PTPRT: variants seen among roughly 807,000 people sequenced by gnomAD.
The protein encoded by PTPRT is receptor-type tyrosine-protein phosphatase T.
In PTPRT, 56 loss-of-function variants were observed where a neutral mutation model predicts 176.8. The observed-to-expected ratio is 0.32, with a 90% CI of 0.26 to 0.40. PTPRT has a LOEUF of 0.40. Among genes scored for constraint, PTPRT ranks in the 10% least tolerant of loss-of-function variants. PTPRT has a pLI of 1.00. For missense variants in PTPRT, 1,540 were observed against 1,908.2 expected (o/e 0.81, Z 3.60); for synonymous variants, 783 against 739.0 (o/e 1.06, Z -0.96).
intron 29 of PTPRT, among the ~76,000 whole-genome samples, chr20:42,084,377 T>A (rs1983658631): frequency 6.6e-6 from 1 of 152,234 alleles, no homozygotes; most frequent in Non-Finnish European, 1.5e-5. Flanking sequence ...CCTCATGCTC[T>A]TTTTGTCCTA....
intron 27 of PTPRT, among the ~76,000 whole-genome samples, chr20:42,095,937 C>T (rs1220254751): frequency 1.3e-5 from 2 of 152,172 alleles, no homozygotes; most frequent in African/African-American, 4.8e-5. Context: ...CTGCTCTTCT[C>T]GCTGCCTTCC....
chr20:42,322,529 A>T (rs2057815313), intron 11 of PTPRT, among the ~76,000 whole-genome samples: 1 of 112,918 alleles, frequency 8.9e-6, no homozygotes, highest in African/African-American at 6.1e-5. Context: ...CTCTCTAATA[A>T]ATGGTGCTGG....
intron 7 of PTPRT, among the ~76,000 whole-genome samples, chr20:42,602,628 C>T (rs2073801465): frequency 6.6e-6 from 1 of 152,082 alleles, no homozygotes; most frequent in Non-Finnish European, 1.5e-5. Flanking sequence ...AAGCTTGGAA[C>T]CCAGGCAGCA....
At chr20:42,702,622 GC>G (rs2075991142) in intron 6 of PTPRT, among the ~76,000 whole-genome samples, 1 of 152,150 alleles carries the variant, frequency 6.6e-6, no homozygotes, top group Non-Finnish European at 1.5e-5. Context: ...TGGGAGGGCT[GC>G]CCTGTGTCCT....
the PTPRT span, among the ~76,000 whole-genome samples, chr20:42,065,077 T>C: frequency 6.6e-6 from 1 of 152,218 alleles, no homozygotes; most frequent in African/African-American, 2.4e-5. Flanking sequence ...CAGCCATACA[T>C]GTGAGTCGTC....
intron 12 of PTPRT, among the ~76,000 whole-genome samples, chr20:42,304,487 T>C (rs916828123): frequency 6.6e-6 from 1 of 152,170 alleles, no homozygotes; most frequent in Non-Finnish European, 1.5e-5. Context: ...GTTGATACTA[T>C]GGGTGTTAAT....
intron 1 of PTPRT, among the ~76,000 whole-genome samples, chr20:43,096,756 G>A (rs554466473): frequency 2.0e-5 from 3 of 152,350 alleles, no homozygotes; most frequent in Non-Finnish European, 2.9e-5. Context: ...GCATTGCAGG[G>A]AGCAGGGAAG....
intron 1 of PTPRT, among the ~76,000 whole-genome samples, chr20:43,184,129 A>G (rs1255747468): frequency 6.6e-6 from 1 of 152,254 alleles, no homozygotes; most frequent in Non-Finnish European, 1.5e-5. Flanking sequence ...AGCATCAAAC[A>G]AAAATTGTCA....
At position 42,085,584 on chromosome 20, in the gene PTPRT, A is replaced by C. The variant is rs1445518480; in HGVS notation, c.3972+144T>G. 27 of 1,254,980 alleles carry C rather than the reference A, an allele frequency of 2.2e-5. No homozygotes were observed. The South Asian group carries it at 2.2e-4, about 10-fold the overall frequency. 77.7% of individuals were successfully genotyped at this position (1,254,980 alleles called of 1,614,324 possible). ...CATTGCTGAGTCTGGAGCCGGAATCAGCACAGGCATCACTTCCTCAAGGAA... is the reference window on the plus strand; with the variant it reads ...CATTGCTGAGTCTGGAGCCGGAATCCGCACAGGCATCACTTCCTCAAGGAA... On this transcript the variant is annotated intron_variant, in intron 28 of 30. Coordinates refer to ENST00000373187, the MANE Select transcript of PTPRT (RefSeq NM_007050.6).
chr20:42,510,186 G>A (rs1431985605), intron 7 of PTPRT, among the ~76,000 whole-genome samples: 1 of 152,054 alleles, frequency 6.6e-6, no homozygotes, highest in Non-Finnish European at 1.5e-5. Flanking sequence ...GCACCATCAT[G>A]TGCATAAGTT....
At chr20:42,628,826 A>G (rs1236264006) in intron 7 of PTPRT, among the ~76,000 whole-genome samples, 2 of 152,152 alleles carry the variant, frequency 1.3e-5, no homozygotes, top group African/African-American at 4.8e-5. Context: ...GTATGACACA[A>G]TTTCAGCAGA....
rs202170274 is a variant in PTPRT at position 42,075,420 on chromosome 20, G to A, written c.*5459C>T. On this transcript the variant is annotated 3_prime_UTR_variant, in exon 31 of 31. Transcript: ENST00000373187. ...CCTGTTGACATGACTTAGGAACAGC[G>A]TCCTGTTCATGCTTCCTCTTGGGCT... is the stretch of plus-strand genomic sequence containing the variant. 8.0e-4 allele frequency: 181 copies of A among 227,228 alleles called. 3 individuals are homozygous for A. In the East Asian group the frequency reaches 0.01, roughly 13 times the overall value. The allele number at this position is 227,228 out of a possible 1,614,324, so 14.1% of individuals were successfully genotyped here.
chr20:42,785,141 T>C (rs765539878), intron 3 of PTPRT, among the ~76,000 whole-genome samples: 26 of 152,168 alleles, frequency 1.7e-4, no homozygotes, highest in Non-Finnish European at 3.2e-4. Flanking sequence ...AATTAATATT[T>C]GTCAATTAAA....
chr20:42,605,703 C>T (rs1413859931), intron 7 of PTPRT, among the ~76,000 whole-genome samples: 1 of 152,212 alleles, frequency 6.6e-6, no homozygotes, highest in African/African-American at 2.4e-5. Context: ...CAGGAACCAA[C>T]CATTGGATGC....
At chr20:42,438,035 T>G (rs766265876) in intron 9 of PTPRT, among the ~76,000 whole-genome samples, 14 of 152,132 alleles carry the variant, frequency 9.2e-5, no homozygotes, top group Non-Finnish European at 2.1e-4. Context: ...GCACAGTTTA[T>G]TGAAAGGACC....
chr20:43,070,011 C>A (rs1160929290), intron 1 of PTPRT, among the ~76,000 whole-genome samples: 1 of 152,296 alleles, frequency 6.6e-6, no homozygotes, highest in Middle Eastern at 3.4e-3. Context: ...TTTTAGAAAA[C>A]GCTTTTGCCC....
intron 1 of PTPRT, among the ~76,000 whole-genome samples, chr20:43,147,021 C>T (rs1401669210): frequency 6.6e-6 from 1 of 152,216 alleles, no homozygotes; most frequent in African/African-American, 2.4e-5. Context: ...TCCACTGAAG[C>T]ATCAGTGATC....
At chr20:42,087,730 G>C (rs918897166) in intron 27 of PTPRT, among the ~76,000 whole-genome samples, 1 of 151,174 alleles carries the variant, frequency 6.6e-6, no homozygotes, top group South Asian at 2.1e-4. Flanking sequence ...AAAATTAGCC[G>C]GGTATGGTGG....
At chr20:42,403,213 C>G (rs1376769059) in intron 9 of PTPRT, among the ~76,000 whole-genome samples, 1 of 152,064 alleles carries the variant, frequency 6.6e-6, no homozygotes, top group Non-Finnish European at 1.5e-5. Flanking sequence ...AAACTTGCAT[C>G]CTTGATTATT....
Sources: allele counts gnomAD v4.1 joint callset (sites outside exome capture counted in the v4.1 genomes callset), GRCh38; gene constraint gnomAD v4.1.1; transcripts MANE v1.5; gene names NCBI Gene and HGNC (gene_info 2026-07-23, HGNC 2026-07-21).